The following FARP1 variants were observed in gnomAD, a reference collection of about 807,000 sequenced individuals.
The protein encoded by FARP1 is FERM, ARH/RhoGEF and pleckstrin domain protein 1.
FARP1 carries 52 observed loss-of-function variants against 128.8 expected under a neutral mutation model. The observed-to-expected ratio is 0.40, with a 90% CI of 0.32 to 0.51. The LOEUF is 0.51. FARP1 is among the 20% of genes least tolerant of loss of function. The probability of loss-of-function intolerance (pLI) is 0.45; values close to 1 mark genes in which losing one functional copy is unlikely to be tolerated. For missense variants in FARP1, 1,333 were observed against 1,367.9 expected (o/e 0.97, Z 0.40); for synonymous variants, 580 against 551.8 (o/e 1.05, Z -0.72).
chr13:98,341,968 T>C (rs1241269264), intron 2 of FARP1, among the ~76,000 whole-genome samples: 1 of 152,210 alleles, frequency 6.6e-6, no homozygotes, highest in Non-Finnish European at 1.5e-5. Flanking sequence ...TGATACTAAC[T>C]GGGGACATAG....
intron 2 of FARP1, among the ~76,000 whole-genome samples, chr13:98,255,975 C>T (rs1277052631): frequency 1.3e-5 from 2 of 152,216 alleles, no homozygotes; most frequent in Non-Finnish European, 2.9e-5. Context: ...TTAGAAACAC[C>T]AGTAAACGTT....
intron 1 of FARP1, among the ~76,000 whole-genome samples, chr13:98,156,002 G>C (rs1047488033): frequency 1.1e-4 from 16 of 152,212 alleles, no homozygotes; most frequent in Admixed American, 5.2e-4. Flanking sequence ...GCTGTGTTCA[G>C]ATCCCTGCTC....
intron 1 of FARP1, among the ~76,000 whole-genome samples, chr13:98,179,877 A>G (rs1878384942): frequency 6.6e-6 from 1 of 151,762 alleles, no homozygotes; most frequent in African/African-American, 2.4e-5. Context: ...AACAAAACAA[A>G]ACAAAAAACT....
intron 2 of FARP1, among the ~76,000 whole-genome samples, chr13:98,239,551 G>A (rs1305817615): frequency 2.0e-5 from 3 of 152,188 alleles, no homozygotes; most frequent in Admixed American, 6.5e-5. Context: ...CATGGCTGGA[G>A]CTGAAGAACT....
chr13:98,437,758 C>G (rs1240549331), intron 19 of FARP1: 2 of 1,374,878 alleles, frequency 1.5e-6, no homozygotes, highest in African/African-American at 1.4e-5. Flanking sequence ...TTCTCTCGGT[C>G]CCACCAGCCT....
intron 17 of FARP1, among the ~76,000 whole-genome samples, chr13:98,426,452 T>C (rs895301941): frequency 6.6e-5 from 10 of 152,196 alleles, no homozygotes; most frequent in African/African-American, 2.4e-4. Context: ...ATCGCGCCAC[T>C]GCACTCAAGC....
At chr13:98,188,953 C>T (rs1594248631) in intron 1 of FARP1, among the ~76,000 whole-genome samples, 2 of 152,274 alleles carry the variant, frequency 1.3e-5, no homozygotes, top group Admixed American at 1.3e-4. Flanking sequence ...GTTACAAGTC[C>T]AGCTTGGTGG....
chr13:98,251,483 G>C (rs1043726807), intron 2 of FARP1, among the ~76,000 whole-genome samples: 1 of 152,128 alleles, frequency 6.6e-6, no homozygotes, highest in African/African-American at 2.4e-5. Context: ...AGGAATTTGA[G>C]GCCAGCCTGG....
At chr13:98,215,976 A>G (rs1881038813) in intron 2 of FARP1, among the ~76,000 whole-genome samples, 1 of 152,162 alleles carries the variant, frequency 6.6e-6, no homozygotes, top group Non-Finnish European at 1.5e-5. Context: ...TTTTTAGTAG[A>G]GACGGGCTTT....
At chr13:98,424,477 G>C in intron 16 of FARP1, 95 bp from the exon 17 acceptor site, 2 of 793,688 alleles carry the variant, frequency 2.5e-6, no homozygotes, top group Non-Finnish European at 4.5e-6. Context: ...GGGGAGGGGT[G>C]ATTGGAAAGG....
chr13:98,335,343 A>G (rs775476745), intron 2 of FARP1, among the ~76,000 whole-genome samples: 4 of 152,220 alleles, frequency 2.6e-5, no homozygotes, highest in Non-Finnish European at 5.9e-5. Context: ...AAGGAGGAGC[A>G]AGTCATGTCT....
intron 2 of FARP1, chr13:98,233,745 T>G (rs1273459916): frequency 6.6e-6 from 1 of 152,136 alleles, no homozygotes; most frequent in South Asian, 2.1e-4. Flanking sequence ...AAAATTGTGG[T>G]CCAAGGAATG....
chr13:98,349,437 C>T lies in FARP1; in HGVS notation c.276+5571C>T, dbSNP rs578192818. 1.6e-4 allele frequency among the ~76,000 whole-genome samples: 24 copies of T among 152,046 alleles called. No homozygotes were observed. The East Asian group carries it at 4.1e-3, about 26-fold the overall frequency. On this transcript the variant is annotated intron_variant, in intron 3 of 26. Transcript: ENST00000319562. ...CTGTAATCCCAGCACTTTGGGAGGCCGAGGCAGGCAGATCACTTGAGGTCA... is the reference window on the plus strand; with the variant it reads ...CTGTAATCCCAGCACTTTGGGAGGCTGAGGCAGGCAGATCACTTGAGGTCA...
chr13:98,336,899 C>T (rs1887767456), intron 2 of FARP1, among the ~76,000 whole-genome samples: 1 of 152,218 alleles, frequency 6.6e-6, no homozygotes, highest in Non-Finnish European at 1.5e-5. Context: ...TCACGAATTG[C>T]TGGTTTGTTA....
At chr13:98,262,057 C>A (rs1019941782) in intron 2 of FARP1, among the ~76,000 whole-genome samples, 5 of 147,216 alleles carry the variant, frequency 3.4e-5, no homozygotes, top group Admixed American at 2.7e-4. Context: ...ACTCTGTCAC[C>A]CAGGCTGGAG....
intron 2 of FARP1, among the ~76,000 whole-genome samples, chr13:98,250,187 A>G (rs983464047): frequency 2.6e-5 from 4 of 152,140 alleles, no homozygotes; most frequent in African/African-American, 9.7e-5. Flanking sequence ...GGATTTAAAA[A>G]CCTGCAAAAC....
At chr13:98,349,706 A>T (rs1888332863) in intron 3 of FARP1, among the ~76,000 whole-genome samples, 2 of 146,620 alleles carry the variant, frequency 1.4e-5, no homozygotes, top group South Asian at 4.3e-4. Flanking sequence ...AAAAAAAGAC[A>T]ATGCTTACTG....
intron 20 of FARP1, 27 bp from the exon 21 acceptor site, chr13:98,439,078 TCA>T: frequency 1.3e-6 from 2 of 1,588,242 alleles, no homozygotes; most frequent in Non-Finnish European, 1.7e-6. Context: ...AAACGTGGTC[TCA>T]CCTCCACACA....
chr13:98,377,377 A>C (rs1337455109), intron 5 of FARP1, among the ~76,000 whole-genome samples: 8 of 37,382 alleles, frequency 2.1e-4, no homozygotes, highest in South Asian at 1.9e-3. Context: ...TACACCACAA[A>C]AAAAAAAAAA....
Sources: allele counts gnomAD v4.1 joint callset (sites outside exome capture counted in the v4.1 genomes callset), GRCh38; gene constraint gnomAD v4.1.1; transcripts MANE v1.5; gene names NCBI Gene and HGNC (gene_info 2026-07-23, HGNC 2026-07-21).